CHIC2: variants seen among roughly 807,000 people sequenced by gnomAD.
CHIC2 encodes cysteine rich hydrophobic domain 2, also known as cysteine-rich hydrophobic domain-containing protein 2.
CHIC2 carries 14 observed loss-of-function variants against 25.9 expected under a neutral mutation model. The observed-to-expected ratio is 0.54, with a 90% CI of 0.36 to 0.85. The LOEUF (loss-of-function observed/expected upper bound fraction) is 0.85. Ranked by LOEUF, CHIC2 falls within the 40% of genes least tolerant of loss-of-function variation. The probability of loss-of-function intolerance (pLI) is 0.01; values close to 1 mark genes in which losing one functional copy is unlikely to be tolerated. For synonymous variants in CHIC2, 70 were observed against 72.0 expected (o/e 0.97, Z 0.14); for missense variants, 146 against 202.0 (o/e 0.72, Z 1.68).
intron 3 of CHIC2, among the ~76,000 whole-genome samples, chr4:54,041,814 A>G (rs1483463837): frequency 6.6e-6 from 1 of 152,124 alleles, no homozygotes; most frequent in Non-Finnish European, 1.5e-5. Context: ...ATAAAACGTT[A>G]AAAATCCCTG....
intron 3 of CHIC2, among the ~76,000 whole-genome samples, chr4:54,030,878 ATT>A (rs537614908): frequency 2.2e-5 from 3 of 138,972 alleles, no homozygotes; most frequent in African/African-American, 2.6e-5. Flanking sequence ...AACATTGAGA[ATT>A]TTTTTTTTTT....
intron 1 of CHIC2, among the ~76,000 whole-genome samples, chr4:54,051,730 T>C (rs187758286): frequency 6.6e-6 from 1 of 152,284 alleles, no homozygotes; most frequent in Admixed American, 6.5e-5. Context: ...ATTCACTGTA[T>C]TTCTACCTCG....
At chr4:54,033,251 T>C (rs1436867383) in intron 3 of CHIC2, among the ~76,000 whole-genome samples, 3 of 152,220 alleles carry the variant, frequency 2.0e-5, no homozygotes, top group Non-Finnish European at 4.4e-5. Flanking sequence ...CTAATAAGTA[T>C]GTAATGTTAT....
intron 2 of CHIC2, 35 bp downstream of exon 2, chr4:54,049,216 G>C: frequency 1.3e-6 from 2 of 1,571,050 alleles, no homozygotes; most frequent in African/African-American, 2.7e-5. Context: ...CTTTCATTTT[G>C]AGGCATACAA....
At chr4:54,033,919 T>A (rs578179628) in intron 3 of CHIC2, among the ~76,000 whole-genome samples, 1 of 152,284 alleles carries the variant, frequency 6.6e-6, no homozygotes, top group East Asian at 1.9e-4. Flanking sequence ...TATAATTATG[T>A]CTTGAAATTG....
In CHIC2 at chr4:54,043,573, A is replaced by G. The variant is rs558852350; in HGVS notation, c.330+5382T>C. 7.9e-5 allele frequency among the ~76,000 whole-genome samples: 12 copies of G among 152,274 alleles called. No homozygotes were observed. The South Asian group carries it at 2.5e-3, about 32-fold the overall frequency. ...AAACTAAGCTTCATAAGTGAAGGAG[A>G]AATAAAATACTTTACAGACAAGCAA... On this transcript the variant is annotated intron_variant, in intron 3 of 5. Transcript: ENST00000263921.
At chr4:54,027,901 T>C (rs1215147691) in intron 3 of CHIC2, among the ~76,000 whole-genome samples, 2 of 152,194 alleles carry the variant, frequency 1.3e-5, no homozygotes, top group African/African-American at 4.8e-5. Flanking sequence ...AGGATGTTGA[T>C]TTTCATTTGT....
intron 1 of CHIC2, among the ~76,000 whole-genome samples, chr4:54,056,957 A>G (rs905699677): frequency 6.6e-6 from 1 of 152,186 alleles, no homozygotes; most frequent in Non-Finnish European, 1.5e-5. Context: ...GGCATGTGCT[A>G]TTCTCTTGGC....
At position 54,064,069 on chromosome 4, in the gene CHIC2, C is replaced by T. The variant is rs1717421354; in HGVS notation, c.119+113G>A. On this transcript the variant is annotated intron_variant, in intron 1 of 5. Coordinates refer to ENST00000263921, the MANE Select transcript of CHIC2 (RefSeq NM_012110.4). The surrounding 1 kb of genome is among the most constrained non-coding windows in gnomAD (Gnocchi z 4.2). The stretch of plus-strand genomic sequence containing the variant: ...CAAGTTCTCACTTCCTGGTTGCCTA[C>T]TCTTTCGGAAGGCCCCCGACACCAG... 1.1e-6 allele frequency: 1 copy of T among 877,162 alleles called. No homozygotes were observed. Among genetic ancestry groups the T allele is most frequent in the Non-Finnish European group, 1.8e-6 (1 of 565,780 alleles). The allele number at this position is 877,162 out of a possible 1,614,324, so 54.3% of individuals were successfully genotyped here. A position where few individuals can be genotyped will look rare whatever the true frequency, so the allele number is the denominator to read the frequency against.
chr4:54,049,908 T>C (rs1464519168), intron 1 of CHIC2, among the ~76,000 whole-genome samples: 1 of 152,218 alleles, frequency 6.6e-6, no homozygotes, highest in Non-Finnish European at 1.5e-5. Context: ...ACTATACCTA[T>C]ATCTATTCCT....
chr4:54,072,350 C>T, the CHIC2 span, among the ~76,000 whole-genome samples: 1 of 151,492 alleles, frequency 6.6e-6, no homozygotes. Flanking sequence ...ATATAAAATA[C>T]TTAGTTTATG....
intron 1 of CHIC2, among the ~76,000 whole-genome samples, chr4:54,050,485 G>A (rs1716971444): frequency 6.6e-6 from 1 of 151,998 alleles, no homozygotes; most frequent in Non-Finnish European, 1.5e-5. Context: ...CTGTTGATCT[G>A]CAGCTATCAG....
At chr4:54,013,606 T>C (rs1300491713) in intron 5 of CHIC2, among the ~76,000 whole-genome samples, 3 of 152,126 alleles carry the variant, frequency 2.0e-5, no homozygotes, top group Non-Finnish European at 4.4e-5. Context: ...ATCTTGGCAA[T>C]TAATTTATTA....
chr4:54,013,579 CAT>C (rs1415381980), intron 5 of CHIC2, among the ~76,000 whole-genome samples: 1 of 152,112 alleles, frequency 6.6e-6, no homozygotes, highest in Non-Finnish European at 1.5e-5. Context: ...TCCATCAACA[CAT>C]GTTCAGGCTA....
At chr4:54,085,712 T>C in the CHIC2 span, among the ~76,000 whole-genome samples, 1 of 152,174 alleles carries the variant, frequency 6.6e-6, no homozygotes. Flanking sequence ...AGCTAAAGAA[T>C]TCCACAGGCC....
At chr4:54,029,790 C>T (rs1011075651) in intron 3 of CHIC2, among the ~76,000 whole-genome samples, 1 of 152,186 alleles carries the variant, frequency 6.6e-6, no homozygotes, top group African/African-American at 2.4e-5. Flanking sequence ...ATCGGTATAA[C>T]TGAATAAGGA....
the CHIC2 span, among the ~76,000 whole-genome samples, chr4:54,086,016 T>C: frequency 6.6e-6 from 1 of 151,646 alleles, no homozygotes; most frequent in Admixed American, 6.6e-5. Flanking sequence ...CTGGTTAGAG[T>C]CTTTATAAAC....
the CHIC2 span, among the ~76,000 whole-genome samples, chr4:54,076,091 A>G: frequency 1.3e-5 from 2 of 152,054 alleles, no homozygotes; most frequent in African/African-American, 4.8e-5. Flanking sequence ...GTTCAAGAAC[A>G]GCCTATGCAA....
intron 1 of CHIC2, chr4:54,060,907 T>C (rs957608306): frequency 6.6e-6 from 1 of 152,180 alleles, no homozygotes; most frequent in African/African-American, 2.4e-5. Flanking sequence ...ACCTAAATAC[T>C]ATGCAATAAC....
Sources: gnomAD v4.1 joint callset for allele counts (sites outside exome capture counted in the v4.1 genomes callset) on GRCh38, gnomAD v4.1.1 for gene constraint, Gnocchi (gnomAD v3.1) non-coding constraint, MANE v1.5 for transcripts, NCBI Gene and HGNC (gene_info 2026-07-23, HGNC 2026-07-21) for gene names.